The following ITPR1 variants were observed in gnomAD, a reference collection of about 807,000 sequenced individuals.
ITPR1 encodes inositol 1,4,5-trisphosphate receptor type 1, also known as inositol 1,4,5-trisphosphate-gated calcium channel ITPR1.
ITPR1 carries 96 observed loss-of-function variants against 318.4 expected under a neutral mutation model. That is an observed-to-expected ratio of 0.30 (90% CI 0.26 to 0.36). The LOEUF is 0.36. Ranked by LOEUF, ITPR1 falls within the 10% of genes least tolerant of loss-of-function variation. The pLI is 1.00. For missense variants in ITPR1, 2,440 were observed against 3,460.2 expected (o/e 0.71, Z 7.40); for synonymous variants, 1,312 against 1,289.9 (o/e 1.02, Z -0.37).
At chr3:4,547,866 C>T (rs2085176446) in intron 4 of ITPR1, among the ~76,000 whole-genome samples, 2 of 152,058 alleles carry the variant, frequency 1.3e-5, no homozygotes, top group Admixed American at 6.6e-5. Context: ...TTTCTTTGTG[C>T]GGAGGCCTTT....
intron 29 of ITPR1, among the ~76,000 whole-genome samples, chr3:4,684,804 A>G (rs2094362687): frequency 6.6e-6 from 1 of 152,218 alleles, no homozygotes; most frequent in Non-Finnish European, 1.5e-5. Context: ...CAATGATGCC[A>G]GGTCATTCCA....
intron 60 of ITPR1, among the ~76,000 whole-genome samples, chr3:4,833,709 G>A (rs2050680730): frequency 6.6e-6 from 1 of 152,170 alleles, no homozygotes; most frequent in Admixed American, 6.5e-5. Flanking sequence ...AGCCACACTG[G>A]AGCCTCACTG....
intron 57 of ITPR1, 45 bp from the exon 58 acceptor site, chr3:4,814,378 T>C: frequency 6.2e-7 from 1 of 1,609,622 alleles, no homozygotes; most frequent in Non-Finnish European, 8.5e-7. Flanking sequence ...CGGTCTCTCT[T>C]TTCTCCTCAC....
At chr3:4,741,540 C>T (rs1339569529) in intron 44 of ITPR1, among the ~76,000 whole-genome samples, 2 of 80,320 alleles carry the variant, frequency 2.5e-5, no homozygotes, top group Non-Finnish European at 4.9e-5. Context: ...CTTTCCTACA[C>T]CACACTCTTT....
chr3:4,512,663 C>T (rs985426067), intron 2 of ITPR1, among the ~76,000 whole-genome samples: 5 of 152,048 alleles, frequency 3.3e-5, no homozygotes, highest in African/African-American at 7.2e-5. Context: ...ACTTATCTCT[C>T]GTGGAAGAAA....
intron 4 of ITPR1, among the ~76,000 whole-genome samples, chr3:4,575,543 A>G (rs190580266): frequency 5.8e-4 from 89 of 152,300 alleles, no homozygotes; most frequent in African/African-American, 2.1e-3. Flanking sequence ...AGATTGATGA[A>G]TGACTAAGAG....
At chr3:4,524,918 G>T (rs1382723019) in intron 4 of ITPR1, among the ~76,000 whole-genome samples, 1 of 152,176 alleles carries the variant, frequency 6.6e-6, no homozygotes, top group Non-Finnish European at 1.5e-5. Flanking sequence ...ATCTCATAAG[G>T]TCATTGAGAA....
chr3:4,648,252 C>G (rs1486844930), intron 10 of ITPR1, among the ~76,000 whole-genome samples: 4 of 152,136 alleles, frequency 2.6e-5, no homozygotes, highest in Non-Finnish European at 5.9e-5. Flanking sequence ...AATTCCCACC[C>G]TCTATCCATT....
intron 12 of ITPR1, among the ~76,000 whole-genome samples, chr3:4,657,539 C>A (rs1452064670): frequency 6.6e-6 from 1 of 151,382 alleles, no homozygotes; most frequent in East Asian, 1.9e-4. Flanking sequence ...GCGATCTCAG[C>A]TCACTGCAAC....
intron 5 of ITPR1, among the ~76,000 whole-genome samples, chr3:4,630,835 C>T (rs564101510): frequency 3.6e-4 from 55 of 152,170 alleles, no homozygotes; most frequent in African/African-American, 1.2e-3. Context: ...TGATCCACTG[C>T]CTCGGCCTCC....
intron 4 of ITPR1, among the ~76,000 whole-genome samples, chr3:4,524,176 G>A (rs1038402855): frequency 1.3e-5 from 2 of 152,204 alleles, no homozygotes; most frequent in Non-Finnish European, 2.9e-5. Flanking sequence ...AGGGGCCTAG[G>A]CAGCTCTGCC....
chr3:4,548,683 C>T (rs1052309604), intron 4 of ITPR1, among the ~76,000 whole-genome samples: 2 of 152,086 alleles, frequency 1.3e-5, no homozygotes, highest in African/African-American at 4.8e-5. Flanking sequence ...TCAGTCAAGT[C>T]AGGAGTTTCA....
chr3:4,764,755 C>T (rs1204902587), intron 44 of ITPR1, among the ~76,000 whole-genome samples: 1 of 152,168 alleles, frequency 6.6e-6, no homozygotes, highest in Non-Finnish European at 1.5e-5. Context: ...CCAGCAGCCT[C>T]CTGGGTCACT....
chr3:4,735,578 T>C, intron 44 of ITPR1: 1 of 537,278 alleles, frequency 1.9e-6, no homozygotes, highest in Non-Finnish European at 3.3e-6. Context: ...TGAAAACTGA[T>C]AAAACACTGA....
chr3:4,720,942 T>G (rs1229197198), intron 40 of ITPR1, among the ~76,000 whole-genome samples: 1 of 152,030 alleles, frequency 6.6e-6, no homozygotes, highest in Non-Finnish European at 1.5e-5. Context: ...AGGCAGCAGT[T>G]ACATAAGAGC....
intron 52 of ITPR1, among the ~76,000 whole-genome samples, chr3:4,791,303 G>A (rs2047537881): frequency 2.6e-5 from 4 of 152,142 alleles, no homozygotes. Flanking sequence ...CAACCTTTAG[G>A]GCAGCAGAGA....
At position 4,574,875 on chromosome 3, in the gene ITPR1, G is replaced by C. The variant is rs112392223; in HGVS notation, c.164-52888G>C. On this transcript the variant is annotated intron_variant, in intron 4 of 61. Coordinates refer to ENST00000649015, the MANE Select transcript of ITPR1 (RefSeq NM_001378452.1). ...AACAGTAATTAAAATGGATCTGCAG[G>C]CTTCTGGGGTCTTTGGATAGGTAGC... is the stretch of plus-strand genomic sequence containing the variant. 2.7e-3 allele frequency among the ~76,000 whole-genome samples: 413 copies of C among 152,330 alleles called. 1 individual carries two copies. Among genetic ancestry groups the C allele is most frequent in the African/African-American group, 9.4e-3 (391 of 41,564 alleles).
intron 44 of ITPR1, among the ~76,000 whole-genome samples, chr3:4,738,395 G>A (rs1049502619): frequency 6.6e-6 from 1 of 152,186 alleles, no homozygotes; most frequent in African/African-American, 2.4e-5. Context: ...CAGAGACCCT[G>A]TCACTCCTTG....
chr3:4,648,782 C>G (rs140586204), intron 10 of ITPR1, among the ~76,000 whole-genome samples: 4 of 152,330 alleles, frequency 2.6e-5, no homozygotes, highest in African/African-American at 9.6e-5. Context: ...TGCTTTCCAG[C>G]TTGGGTGACA....
Sources: allele counts gnomAD v4.1 joint callset (sites outside exome capture counted in the v4.1 genomes callset), GRCh38; gene constraint gnomAD v4.1.1; transcripts MANE v1.5; gene names NCBI Gene and HGNC (gene_info 2026-07-23, HGNC 2026-07-21).